The following NEDD4L variants were observed in gnomAD, a reference collection of about 807,000 sequenced individuals.
NEDD4L encodes NEDD4 like E3 ubiquitin protein ligase, also known as E3 ubiquitin-protein ligase NEDD4-like.
NEDD4L carries 54 observed loss-of-function variants against 148.9 expected under a neutral mutation model. That is an observed-to-expected ratio of 0.36 (90% CI 0.29 to 0.45). The LOEUF is 0.45. Among genes scored for constraint, NEDD4L ranks in the 20% least tolerant of loss-of-function variants. The probability of loss-of-function intolerance (pLI) is 1.00; values close to 1 mark genes in which losing one functional copy is unlikely to be tolerated. For missense variants in NEDD4L, 856 were observed against 1,233.8 expected (o/e 0.69, Z 4.59); for synonymous variants, 433 against 440.7 (o/e 0.98, Z 0.22).
chr18:58,198,087 G>A (rs2040935988), intron 2 of NEDD4L, among the ~76,000 whole-genome samples: 1 of 152,166 alleles, frequency 6.6e-6, no homozygotes, highest in Non-Finnish European at 1.5e-5. Flanking sequence ...CCTAGTAACT[G>A]TAGGATAGGT....
chr18:58,355,363 C>T (rs1433445800), intron 18 of NEDD4L, among the ~76,000 whole-genome samples: 5 of 152,066 alleles, frequency 3.3e-5, no homozygotes, highest in Admixed American at 2.0e-4. Context: ...GTCACGTTAC[C>T]AATTTTGGTG....
chr18:58,214,353 G>C (rs1040981867), intron 2 of NEDD4L, among the ~76,000 whole-genome samples: 7 of 152,086 alleles, frequency 4.6e-5, no homozygotes, highest in African/African-American at 1.7e-4. Flanking sequence ...ATTTTCCCAA[G>C]ATTCTTATGA....
chr18:58,097,329 C>G (rs116477975), intron 1 of NEDD4L, among the ~76,000 whole-genome samples: 1 of 152,134 alleles, frequency 6.6e-6, no homozygotes, highest in Admixed American at 6.5e-5. Context: ...CGCAGTTGGC[C>G]GGCAGGCTGC....
chr18:58,335,370 G>A lies in NEDD4L; in HGVS notation c.1066-108G>A, dbSNP rs750527808. The A allele has an allele frequency of 3.3e-5, 29 of 868,042 alleles. 1 individual carries two copies. The Admixed American group carries it at 4.6e-4, about 14-fold the overall frequency. 53.8% of individuals were successfully genotyped at this position (868,042 alleles called of 1,614,324 possible). ...GGATAGGGTGGGTTTCAGGGATTCT[G>A]ATCTCACGTCACCTGCCTTACAGCG... On this transcript the variant is annotated intron_variant, in intron 12 of 30. Transcript: ENST00000400345.
intron 2 of NEDD4L, among the ~76,000 whole-genome samples, chr18:58,172,866 T>A (rs79026626): frequency 3.1e-4 from 47 of 152,316 alleles, no homozygotes; most frequent in African/African-American, 1.1e-3. Context: ...GTGATAGATC[T>A]CTTCTTGAGG....
intron 13 of NEDD4L, among the ~76,000 whole-genome samples, chr18:58,340,409 G>C (rs1447036887): frequency 6.6e-6 from 1 of 152,148 alleles, no homozygotes; most frequent in Non-Finnish European, 1.5e-5. Flanking sequence ...CATAGCCTGG[G>C]GTGTGAGGCT....
intron 1 of NEDD4L, among the ~76,000 whole-genome samples, chr18:58,079,925 A>G (rs947013336): frequency 6.6e-6 from 1 of 152,138 alleles, no homozygotes; most frequent in Non-Finnish European, 1.5e-5. Context: ...AATACAAATA[A>G]TAACATTAAT....
At chr18:58,116,106 T>C (rs2085818871) in intron 1 of NEDD4L, among the ~76,000 whole-genome samples, 2 of 152,218 alleles carry the variant, frequency 1.3e-5, no homozygotes, top group Admixed American at 6.5e-5. Flanking sequence ...CCAGTGTGCC[T>C]CTTTGGGCTC....
intron 5 of NEDD4L, among the ~76,000 whole-genome samples, chr18:58,292,106 A>G (rs1399993100): frequency 2.0e-5 from 3 of 151,114 alleles, no homozygotes; most frequent in African/African-American, 7.3e-5. Context: ...GCGAGCACTC[A>G]AACGCACAGC....
chr18:58,292,522 A>G (rs1358538369), intron 5 of NEDD4L, among the ~76,000 whole-genome samples: 3 of 152,004 alleles, frequency 2.0e-5, no homozygotes, highest in Admixed American at 2.0e-4. Context: ...CACCCTAGTC[A>G]TGATCTCGCT....
chr18:58,370,253 G>C (rs537182324), intron 22 of NEDD4L, 144 bp from the exon 23 acceptor site: 1 of 630,524 alleles, frequency 1.6e-6, no homozygotes, highest in African/African-American at 1.8e-5. Context: ...TCGCCTCCTC[G>C]CTTGTGCAAT....
At chr18:58,345,908 T>G (rs2042982431) in intron 16 of NEDD4L, among the ~76,000 whole-genome samples, 1 of 97,482 alleles carries the variant, frequency 1.0e-5, no homozygotes. Context: ...CACCAGCTAA[T>G]TTTTGTTGTT....
chr18:58,180,314 C>T (rs1034072968), intron 2 of NEDD4L, among the ~76,000 whole-genome samples: 1 of 152,178 alleles, frequency 6.6e-6, no homozygotes, highest in African/African-American at 2.4e-5. Context: ...CTGTGTGACC[C>T]GGGTGCACAG....
intron 18 of NEDD4L, among the ~76,000 whole-genome samples, chr18:58,353,178 T>C (rs974324667): frequency 2.0e-5 from 3 of 152,220 alleles, no homozygotes; most frequent in African/African-American, 7.2e-5. Context: ...TCCGGCTTAC[T>C]GGAAGGTGGA....
chr18:58,145,513 A>G (rs1172229078), intron 1 of NEDD4L, among the ~76,000 whole-genome samples: 3 of 152,212 alleles, frequency 2.0e-5, no homozygotes, highest in African/African-American at 7.2e-5. Flanking sequence ...TGAATGAGAT[A>G]ATGTCAAAGT....
intron 1 of NEDD4L, among the ~76,000 whole-genome samples, chr18:58,155,574 CAT>C (rs1187595662): frequency 1.3e-5 from 2 of 152,138 alleles, no homozygotes; most frequent in African/African-American, 4.8e-5. Flanking sequence ...AGTTAAATCT[CAT>C]AATGGACATT....
intron 2 of NEDD4L, among the ~76,000 whole-genome samples, chr18:58,184,308 A>G (rs537786660): frequency 1.9e-4 from 29 of 151,582 alleles, no homozygotes; most frequent in Admixed American, 8.5e-4. Flanking sequence ...GGGATTCTCT[A>G]CCCTCCTCTC....
chr18:58,154,405 C>T (rs1426490946), intron 1 of NEDD4L, among the ~76,000 whole-genome samples: 2 of 152,180 alleles, frequency 1.3e-5, no homozygotes, highest in South Asian at 2.1e-4. Flanking sequence ...AGGACAATAC[C>T]TGCTGAGCTC....
chr18:58,188,912 C>T (rs1167254587), intron 2 of NEDD4L, among the ~76,000 whole-genome samples: 1 of 152,086 alleles, frequency 6.6e-6, no homozygotes, highest in Non-Finnish European at 1.5e-5. Context: ...GGATTCTTAG[C>T]TCCTGTTGAG....
Sources: gnomAD v4.1 joint callset for allele counts (sites outside exome capture counted in the v4.1 genomes callset) on GRCh38, gnomAD v4.1.1 for gene constraint, MANE v1.5 for transcripts, NCBI Gene and HGNC (gene_info 2026-07-23, HGNC 2026-07-21) for gene names.